ATP13A4: variants seen among roughly 807,000 people sequenced by gnomAD.
ATP13A4 encodes the protein ATPase 13A4, also known as probable cation-transporting ATPase 13A4.
In ATP13A4, 114 loss-of-function variants were observed where a neutral mutation model predicts 142.5. That is an observed-to-expected ratio of 0.80 (90% CI 0.69 to 0.93). The LOEUF is 0.93. Among genes scored for constraint, ATP13A4 ranks in the 40% least tolerant of loss-of-function variants. The probability of loss-of-function intolerance (pLI) is 0.00; values close to 1 mark genes in which losing one functional copy is unlikely to be tolerated. For missense variants in ATP13A4, 1,392 were observed against 1,454.0 expected (o/e 0.96, Z 0.69); for synonymous variants, 488 against 514.8 (o/e 0.95, Z 0.70).
At chr3:193,414,817 C>T (rs1416469559) in intron 25 of ATP13A4, 67 bp from the exon 26 acceptor site, 1 of 1,486,442 alleles carries the variant, frequency 6.7e-7, no homozygotes, top group East Asian at 2.4e-5. Flanking sequence ...AGAAGAATGG[C>T]ATAAGTTCAT....
chr3:193,564,718 G>A (rs760391523), intron 2 of ATP13A4, among the ~76,000 whole-genome samples: 1 of 152,196 alleles, frequency 6.6e-6, no homozygotes, highest in Non-Finnish European at 1.5e-5. Context: ...CTTACTATCA[G>A]TGTGATCTAG....
chr3:193,412,028 G>C, intron 27 of ATP13A4, 150 bp downstream of exon 27: 1 of 697,864 alleles, frequency 1.4e-6, no homozygotes, highest in Non-Finnish European at 2.6e-6. Context: ...GTGAAAATGA[G>C]GCTGTACGAT....
intron 8 of ATP13A4, among the ~76,000 whole-genome samples, chr3:193,472,554 G>A (rs965440839): frequency 6.6e-6 from 1 of 152,210 alleles, no homozygotes; most frequent in African/African-American, 2.4e-5. Flanking sequence ...TCTATAGTAA[G>A]AACGAATCAA....
chr3:193,502,888 G>A (rs912291470), intron 2 of ATP13A4, among the ~76,000 whole-genome samples: 4 of 152,156 alleles, frequency 2.6e-5, no homozygotes, highest in African/African-American at 9.7e-5. Context: ...GAATCAGGAG[G>A]CTCATTCGCA....
chr3:193,506,613 C>G (rs903140169), intron 2 of ATP13A4, among the ~76,000 whole-genome samples: 3 of 152,246 alleles, frequency 2.0e-5, no homozygotes, highest in Middle Eastern at 3.4e-3. Flanking sequence ...TGTCCCCATC[C>G]AAATCTCCTC....
Position 193,514,745 on chromosome 3 carries a change from C to T in ATP13A4, c.187G>A (p.Val63Ile), listed in dbSNP as rs371805778. The T allele has an allele frequency of 5.0e-6, 8 of 1,614,068 alleles. No individual in the cohort carries two copies. The highest frequency in any genetic ancestry group is 1.6e-4 in the Middle Eastern group (1 of 6,084). ...TCTGCTTCTTGCAAGGAACATGGGA[C>T]ACAATGTGCCCATACGTGCCATGCT... ...RPAWHVWAHCVPCSLQEADTV... is the reference protein window; with the variant it reads ...RPAWHVWAHCIPCSLQEADTV... The change falls in exon 2 of 30, where the codon GTC becomes ATC. Residue 63 changes from valine (V) to isoleucine (I), a missense_variant. Val to Ile is a conservative substitution (Grantham distance 29). Transcript: ENST00000342695.
intron 2 of ATP13A4, among the ~76,000 whole-genome samples, chr3:193,581,051 G>A (rs1024767823): frequency 7.9e-5 from 12 of 152,138 alleles, no homozygotes; most frequent in East Asian, 1.9e-4. Flanking sequence ...TGCTCACATC[G>A]TTAACCTATG....
chr3:193,427,370 T>C (rs186895732), intron 25 of ATP13A4, among the ~76,000 whole-genome samples: 146 of 152,246 alleles, frequency 9.6e-4, no homozygotes, highest in African/African-American at 3.1e-3. Flanking sequence ...AAAATGGCCA[T>C]ACTGCCCAAG....
At chr3:193,582,806 T>A (rs1441440739) in intron 1 of ATP13A4, among the ~76,000 whole-genome samples, 1 of 30,810 alleles carries the variant, frequency 3.2e-5, no homozygotes, top group Non-Finnish European at 4.9e-5. Flanking sequence ...ATTACATATA[T>A]AAAATATATA....
At chr3:193,445,657 T>G (rs1232399596) in intron 18 of ATP13A4, among the ~76,000 whole-genome samples, 1 of 151,876 alleles carries the variant, frequency 6.6e-6, no homozygotes, top group Non-Finnish European at 1.5e-5. Flanking sequence ...CTCGGGAGGC[T>G]GAAGCAGGAG....
chr3:193,514,554 C>T, intron 2 of ATP13A4, 144 bp downstream of exon 2: 1 of 1,060,922 alleles, frequency 9.4e-7, no homozygotes, highest in South Asian at 1.4e-5. Flanking sequence ...CTGCTAGATG[C>T]AAGGCTGTGA....
At chr3:193,444,147 T>G (rs928441581) in intron 18 of ATP13A4, among the ~76,000 whole-genome samples, 1 of 151,508 alleles carries the variant, frequency 6.6e-6, no homozygotes. Context: ...GTAATCAAAC[T>G]GCTAAAAATC....
At chr3:193,452,776 A>C (rs972956741) in intron 17 of ATP13A4, among the ~76,000 whole-genome samples, 2 of 106,056 alleles carry the variant, frequency 1.9e-5, no homozygotes, top group Non-Finnish European at 3.9e-5. Flanking sequence ...AATATACTGT[A>C]CTATTATTAT....
intron 5 of ATP13A4, among the ~76,000 whole-genome samples, chr3:193,492,385 G>A (rs1189621837): frequency 6.6e-6 from 1 of 152,156 alleles, no homozygotes; most frequent in Admixed American, 6.5e-5. Flanking sequence ...ACATACCAGT[G>A]CCCTCCCTAA....
At chr3:193,526,770 A>T (rs964583556) in intron 1 of ATP13A4, among the ~76,000 whole-genome samples, 5 of 152,130 alleles carry the variant, frequency 3.3e-5, no homozygotes, top group Admixed American at 2.0e-4. Context: ...CATATGAGAG[A>T]TTATCTCTGG....
Position 193,573,260 on chromosome 3 carries a change from C to CATATATAT in ATP13A4, n.291+8439_291+8446dup, listed in dbSNP as rs373692119. ...GATGAACTTTAACGAATACCACAGCCATATATATATATATACATATATATA... is the reference window on the plus strand; with the variant it reads ...GATGAACTTTAACGAATACCACAGCCATATATATATATATATATATATACATATATATA... On this transcript the variant is annotated intron_variant and non_coding_transcript_variant, in intron 2 of 3. Transcript: ENST00000489140. 1.4e-3 allele frequency among the ~76,000 whole-genome samples: 112 copies of CATATATAT among 78,988 alleles called. 1 individual carries two copies. The highest frequency in any genetic ancestry group is 6.5e-3 in the African/African-American group (109 of 16,654). The allele number at this position is 78,988 out of a possible 152,430, so 51.8% of individuals were successfully genotyped here. A position where few individuals can be genotyped will look rare whatever the true frequency, so the allele number is the denominator to read the frequency against.
At chr3:193,435,596 C>T (rs1716220200) in intron 24 of ATP13A4, 52 bp downstream of exon 24, 3 of 1,410,648 alleles carry the variant, frequency 2.1e-6, no homozygotes, top group South Asian at 1.2e-5. Flanking sequence ...TGAGAGTGCA[C>T]CGCTACTTGT....
intron 25 of ATP13A4, among the ~76,000 whole-genome samples, chr3:193,425,405 G>C: frequency 6.6e-6 from 1 of 151,670 alleles, no homozygotes; most frequent in East Asian, 1.9e-4. Flanking sequence ...AGAAATATCT[G>C]CACTCCCGTG....
At chr3:193,507,007 C>T (rs1720895880) in intron 2 of ATP13A4, among the ~76,000 whole-genome samples, 3 of 152,172 alleles carry the variant, frequency 2.0e-5, no homozygotes, top group Admixed American at 6.5e-5. Flanking sequence ...AACCTCATCC[C>T]TTGAAATTTA....
Sources: gnomAD v4.1 joint callset for allele counts (sites outside exome capture counted in the v4.1 genomes callset) on GRCh38, gnomAD v4.1.1 for gene constraint, MANE v1.5 for transcripts, NCBI Gene and HGNC (gene_info 2026-07-23, HGNC 2026-07-21) for gene names.